ZNF394: variants seen among roughly 807,000 people sequenced by gnomAD.
ZNF394 encodes zinc finger protein 99.
A neutral mutation model predicts 21.8 loss-of-function variants in ZNF394; 19 were observed. The observed-to-expected ratio is 0.87, with a 90% CI of 0.61 to 1.28. The LOEUF is 1.28. Among genes scored for constraint, ZNF394 ranks in the 50% most tolerant of loss-of-function variants. The pLI is 0.00. For synonymous variants in ZNF394, 294 were observed against 273.3 expected (o/e 1.08, Z -0.75); for missense variants, 683 against 708.6 (o/e 0.96, Z 0.41).
chr7:99,499,659 C>G lies in ZNF394; in HGVS notation c.435G>C (p.Ala145=). 1 of 1,600,244 alleles carries G rather than the reference C, an allele frequency of 6.2e-7. No individual in the cohort carries two copies. The highest frequency in any genetic ancestry group is 8.5e-7 in the Non-Finnish European group (1 of 1,175,412). The stretch of plus-strand genomic sequence containing the variant: ...TCACCTGGGATGAGGTTCCATCGAG[C>G]GCTCGCTGCAGAGCCCGCACCACGG... ...AVAVVRALQR[A]LDGTSSQGMV... The change falls in exon 1 of 3, where the codon GCG becomes GCC. Residue 145 remains alanine, a synonymous_variant. Coordinates refer to ENST00000337673, the MANE Select transcript of ZNF394 (RefSeq NM_032164.4).
At chr7:99,498,638 T>A in intron 2 of ZNF394, 78 bp downstream of exon 2, 1 of 1,591,122 alleles carries the variant, frequency 6.3e-7, no homozygotes, top group African/African-American at 1.3e-5. Flanking sequence ...GGGAATGGCA[T>A]AGTGGCTCAG....
chr7:99,493,684 T>C lies in ZNF394; in HGVS notation c.1531A>G (p.Thr511Ala), dbSNP rs1044852522. 1.9e-6 allele frequency: 3 copies of C among 1,614,084 alleles called. No homozygotes were observed. The highest frequency in any genetic ancestry group is 1.3e-5 in the African/African-American group (1 of 74,918). The stretch of plus-strand genomic sequence containing the variant: ...TGAATTCTCTGGTGTTTAATGAGGG[T>C]TGCACTCTGATTGAAGCGTTTCCCA... The part of the protein sequence containing the change: ...VCGKRFNQSA[T>A]LIKHQRIHTG... The change falls in exon 3 of 3, where the codon ACC becomes GCC. Residue 511 changes from threonine (T) to alanine (A), a missense_variant. Around this residue, in one of 3 missense-constraint regions of ZNF394, gnomAD observed 274 missense variants for 314.1 expected, o/e 0.87. Transcript: ENST00000337673.
intron 1 of ZNF394, 146 bp from the exon 2 acceptor site, chr7:99,498,988 G>GACTATTT (rs1228225629): frequency 2.5e-5 from 30 of 1,196,366 alleles, no homozygotes; most frequent in Non-Finnish European, 1.1e-6. Flanking sequence ...CCTTTCTGTG[G>GACTATTT]ACTATTTACA....
chr7:99,494,844 C>T (rs531050186), intron 2 of ZNF394, among the ~76,000 whole-genome samples: 9 of 152,060 alleles, frequency 5.9e-5, no homozygotes, highest in African/African-American at 1.9e-4. Flanking sequence ...AACTGATTAT[C>T]CTACCTCAGC....
chr7:99,496,952 TG>T (rs1800334836), intron 2 of ZNF394, among the ~76,000 whole-genome samples: 1 of 151,182 alleles, frequency 6.6e-6, no homozygotes, highest in South Asian at 2.1e-4. Context: ...ATGGGCTCTT[TG>T]GAGAGCAAGA....
At chr7:99,498,684 C>A in intron 2 of ZNF394, 32 bp downstream of exon 2, 1 of 1,613,402 alleles carries the variant, frequency 6.2e-7, no homozygotes, top group Non-Finnish European at 8.5e-7. Context: ...AAACCACACA[C>A]CGCAATAAAC....
At chr7:99,494,767 G>T in intron 2 of ZNF394, 136 bp from the exon 3 acceptor site, 1 of 1,373,972 alleles carries the variant, frequency 7.3e-7, no homozygotes, top group African/African-American at 1.5e-5. Context: ...ACGGTGTCTT[G>T]CTTTGTCACC....
At position 99,494,471 on chromosome 7, in the gene ZNF394, T is replaced by A. The variant is rs1800240781; in HGVS notation, c.744A>T (p.Gly248=). 6.2e-7 allele frequency: 1 copy of A among 1,613,974 alleles called. No homozygotes were observed. The highest frequency in any genetic ancestry group is 1.3e-5 in the African/African-American group (1 of 74,920). ...TTTCAAGTTTCAGGGGCAAGGGGTC[T>A]CCGGACTGCTTTTCCACCCTGTCCT... The part of the protein sequence containing the change: ...THEDRVEKQS[G]DPLPLKLENS... Residue 248 remains glycine, a synonymous_variant, in exon 3 of 3, where the codon GGA becomes GGT. Coordinates refer to ENST00000337673, the MANE Select transcript of ZNF394 (RefSeq NM_032164.4).
Position 99,500,051 on chromosome 7 carries a change from C to G in ZNF394, c.43G>C (p.Glu15Gln), listed in dbSNP as rs1440549758. Residue 15 changes from glutamate (E) to glutamine (Q), a missense_variant, in exon 1 of 3, where the codon GAG becomes CAG. Glu to Gln is a conservative substitution (Grantham distance 29). Coordinates refer to ENST00000337673, the MANE Select transcript of ZNF394 (RefSeq NM_032164.4). ...LTAQRRGSDA[E>Q]LGPWVMAARS... is the part of the protein sequence containing the mutation. ...GCAGCCATCACCCAGGGTCCCAACT[C>G]GGCGTCACTGCCGCGCCTCTGGGCG... 1 of 1,586,976 alleles carries G rather than the reference C, an allele frequency of 6.3e-7. No individual in the cohort carries two copies. The highest frequency in any genetic ancestry group is 1.7e-5 in the Admixed American group (1 of 57,814).
At chr7:99,497,089 T>TGG (rs1222831395) in intron 2 of ZNF394, among the ~76,000 whole-genome samples, 3 of 41,292 alleles carry the variant, frequency 7.3e-5, no homozygotes, top group African/African-American at 3.0e-4. Context: ...CATACATACG[T>TGG]GTGTGTGTGT....
At position 99,493,349 on chromosome 7, in the gene ZNF394, T is replaced by C. The variant is rs1800202951; in HGVS notation, c.*180A>G. ...TCAGCTCACTGCAACTTCCGCCTCCTGGGTTCAAGTGATTCTCCTACCTCA... is the reference window on the plus strand; with the variant it reads ...TCAGCTCACTGCAACTTCCGCCTCCCGGGTTCAAGTGATTCTCCTACCTCA... On this transcript the variant is annotated 3_prime_UTR_variant, in exon 3 of 3. Coordinates refer to ENST00000337673, the MANE Select transcript of ZNF394 (RefSeq NM_032164.4). 3.8e-6 allele frequency: 4 copies of C among 1,056,752 alleles called. No individual in the cohort carries two copies. The highest frequency in any genetic ancestry group is 5.1e-6 in the Non-Finnish European group (4 of 778,684). The allele number at this position is 1,056,752 out of a possible 1,614,324, so 65.5% of individuals were successfully genotyped here.
chr7:99,497,114 G>GTATATATATATATA (rs1347859430), intron 2 of ZNF394, among the ~76,000 whole-genome samples: 1 of 116,618 alleles, frequency 8.6e-6, no homozygotes, highest in Non-Finnish European at 1.6e-5. Flanking sequence ...GTGTGTGTGT[G>GTATATATATATATA]TGTGTGTGTA....
intron 1 of ZNF394, chr7:99,487,062 T>G: frequency 6.2e-7 from 1 of 1,614,080 alleles, no homozygotes; most frequent in Non-Finnish European, 8.5e-7. Context: ...AAGAAAAACC[T>G]TATAAATGTA....
downstream of ZNF394, among the ~76,000 whole-genome samples, chr7:99,492,998 C>T (rs1304674430): frequency 6.6e-6 from 1 of 152,046 alleles, no homozygotes; most frequent in Non-Finnish European, 1.5e-5. Flanking sequence ...GACAGAACCC[C>T]GTTACATGTC....
downstream of ZNF394, among the ~76,000 whole-genome samples, chr7:99,490,513 C>T (rs925731239): frequency 1.3e-5 from 2 of 151,794 alleles, no homozygotes; most frequent in Non-Finnish European, 2.9e-5. Flanking sequence ...TGCCTGTAGT[C>T]CCAGCTGCTT....
intron 1 of ZNF394, chr7:99,487,371 T>G (rs1403566063): frequency 6.2e-7 from 1 of 1,614,230 alleles, no homozygotes; most frequent in Non-Finnish European, 8.5e-7. Flanking sequence ...TTTTTCGACA[T>G]CAGGTCATTC....
At chr7:99,499,487 G>A (rs1800447908) in intron 1 of ZNF394, 151 bp downstream of exon 1, 1 of 665,606 alleles carries the variant, frequency 1.5e-6, no homozygotes, top group Non-Finnish European at 2.6e-6. Context: ...TTTCCTGGAT[G>A]GATCTGTCAC....
chr7:99,498,532 A>C (rs926659618), intron 2 of ZNF394, 184 bp downstream of exon 2: 1 of 721,570 alleles, frequency 1.4e-6, no homozygotes, highest in Middle Eastern at 2.9e-4. Context: ...AAAACATTAA[A>C]AATGAACCAA....
Position 99,499,980 on chromosome 7 carries a change from G to C in ZNF394, c.114C>G (p.Pro38=), listed in dbSNP as rs560686849. ...AAPSQRDGLL[P]VKVEEDSPGS... Reference sequence around the variant, plus strand: ...CGGGTGAGTCTTCCTCCACTTTCACGGGCAAAAGTCCGTCGCGTTGGGACG... The same window carrying C: ...CGGGTGAGTCTTCCTCCACTTTCACCGGCAAAAGTCCGTCGCGTTGGGACG... Residue 38 remains proline (P), a synonymous_variant, in exon 1 of 3, where the codon CCC becomes CCG. Coordinates refer to ENST00000337673, the MANE Select transcript of ZNF394 (RefSeq NM_032164.4). 2 of 1,613,138 alleles carry C rather than the reference G, an allele frequency of 1.2e-6. No individual in the cohort carries two copies. The highest frequency in any genetic ancestry group is 8.5e-7 in the Non-Finnish European group (1 of 1,180,006).
Sources: allele counts gnomAD v4.1 joint callset (sites outside exome capture counted in the v4.1 genomes callset), GRCh38; gene constraint gnomAD v4.1.1; regional missense constraint gnomAD v4.1.1; transcripts MANE v1.5; gene names NCBI Gene and HGNC (gene_info 2026-07-23, HGNC 2026-07-21).